Variants in STK39 observed in about 807,000 individuals in gnomAD.
STK39 encodes the protein STE20/SPS1-related proline-alanine-rich protein kinase.
Under a neutral mutation model 77.8 loss-of-function variants are expected in STK39, and 20 were observed. That is an observed-to-expected ratio of 0.26 (90% confidence interval 0.18 to 0.37). STK39 has a LOEUF of 0.37. Among genes scored for constraint, STK39 ranks in the 10% least tolerant of loss-of-function variants. The pLI is 1.00. For missense variants in STK39, 479 were observed against 656.5 expected, an observed-to-expected ratio of 0.73 and a Z score of 2.95; for synonymous variants, 246 against 234.1, an observed-to-expected ratio of 1.05 and a Z score of -0.47.
intron 10 of STK39, among the ~76,000 whole-genome samples, chr2:168,109,538 C>T (rs1306763518): frequency 6.6e-6 from 1 of 152,178 alleles, no homozygotes; most frequent in Non-Finnish European, 1.5e-5. Context: ...CATCTGCTGG[C>T]ATGGTGTGCA....
chr2:168,226,684 T>C (rs1690316182), intron 1 of STK39, among the ~76,000 whole-genome samples: 1 of 133,578 alleles, frequency 7.5e-6, no homozygotes, highest in East Asian at 2.5e-4. Context: ...CTGGGTCAAA[T>C]CGGGAATAAG....
chr2:167,960,810 A>ATCCCAGTGCT (rs1240448513), intron 17 of STK39, among the ~76,000 whole-genome samples: 2 of 152,118 alleles, frequency 1.3e-5, no homozygotes, highest in African/African-American at 4.8e-5. Context: ...CCACTCGTCT[A>ATCCCAGTGCT]TCCCAGTGCT....
chr2:168,225,056 T>A (rs1238780243), intron 1 of STK39, among the ~76,000 whole-genome samples: 1 of 152,194 alleles, frequency 6.6e-6, no homozygotes, highest in Non-Finnish European at 1.5e-5. Flanking sequence ...ATCACTGACA[T>A]ATCCAACCCT....
chr2:167,956,692 ACACACTCT>A (rs1222141366), intron 17 of STK39, among the ~76,000 whole-genome samples: 3 of 45,780 alleles, frequency 6.6e-5, no homozygotes, highest in East Asian at 3.5e-4. Context: ...ACACACACAC[ACACACTCT>A]CTCTCTCTCT....
chr2:168,179,473 T>A (rs902201639), intron 2 of STK39, among the ~76,000 whole-genome samples: 1 of 151,294 alleles, frequency 6.6e-6, no homozygotes, highest in Non-Finnish European at 1.5e-5. Flanking sequence ...TCTAAATATA[T>A]CAACACACCA....
chr2:168,073,048 T>G (rs1347546392), intron 12 of STK39, among the ~76,000 whole-genome samples: 1 of 152,190 alleles, frequency 6.6e-6, no homozygotes, highest in Non-Finnish European at 1.5e-5. Flanking sequence ...TGCTGAGAAA[T>G]CAAATGAGTC....
At chr2:168,156,456 T>C (rs577168219) in intron 5 of STK39, among the ~76,000 whole-genome samples, 70 of 152,274 alleles carry the variant, frequency 4.6e-4, no homozygotes, top group African/African-American at 2.2e-4. Context: ...TCTGGTGATA[T>C]TGAGGAAACT....
intron 5 of STK39, among the ~76,000 whole-genome samples, chr2:168,148,585 G>A (rs145225506): frequency 1.3e-3 from 195 of 152,334 alleles, no homozygotes; most frequent in Middle Eastern, 0.01. Context: ...ACCGGCAGCA[G>A]CAGCCACCCA....
intron 16 of STK39, among the ~76,000 whole-genome samples, chr2:167,989,793 G>A (rs1459863346): frequency 1.3e-5 from 2 of 151,896 alleles, no homozygotes; most frequent in Non-Finnish European, 2.9e-5. Context: ...AAAATTGCAG[G>A]AAATTCTGAA....
chr2:168,220,020 T>C (rs1559152393), intron 1 of STK39, among the ~76,000 whole-genome samples: 1 of 152,120 alleles, frequency 6.6e-6, no homozygotes, highest in Admixed American at 6.6e-5. Context: ...AGAGCCTTCC[T>C]TTGCTTGAGT....
chr2:168,247,286 C>CGCGGGG lies in STK39; in HGVS notation c.149_150insCCCCGC (p.Pro49_Ala50dup), dbSNP rs1553465651. ...AGATGGGCCAGCCGACAGCCTGTGCCGCCGGGGCCGGGGCCGGGGCCGGGG... is the reference window on the plus strand; with the variant it reads ...AGATGGGCCAGCCGACAGCCTGTGCCGCGGGGGCCGGGGCCGGGGCCGGGGCCGGGG... On this transcript the variant is annotated inframe_insertion, in exon 1 of 18. Transcript: ENST00000355999. 1.3e-5 allele frequency: 13 copies of CGCGGGG among 1,007,028 alleles called. No individual in the cohort carries two copies. Among genetic ancestry groups the CGCGGGG allele is most frequent in the Admixed American group, 5.7e-5 (1 of 17,558 alleles). The allele number at this position is 1,007,028 out of a possible 1,614,324, so 62.4% of individuals were successfully genotyped here.
chr2:168,111,644 C>T (rs913638671), intron 10 of STK39, among the ~76,000 whole-genome samples: 5 of 152,076 alleles, frequency 3.3e-5, no homozygotes, highest in African/African-American at 9.7e-5. Flanking sequence ...ATGTATACAG[C>T]GAGGGGAAAA....
Position 167,954,030 on chromosome 2 carries a change from C to T in STK39, c.*1466G>A. 6.5e-6 allele frequency: 1 copy of T among 152,746 alleles called. No homozygotes were observed. The allele number at this position is 152,746 out of a possible 1,614,324, so 9.5% of individuals were successfully genotyped here. On this transcript the variant is annotated 3_prime_UTR_variant, in exon 18 of 18. Coordinates refer to ENST00000355999, the MANE Select transcript of STK39 (RefSeq NM_013233.3). Reference sequence around the variant, plus strand: ...AACAATGCAAAACAATCTCATTGTGCAATACACTTTTATTTTCCTTTTACC... The same window carrying T: ...AACAATGCAAAACAATCTCATTGTGTAATACACTTTTATTTTCCTTTTACC...
intron 1 of STK39, among the ~76,000 whole-genome samples, chr2:168,244,633 G>T (rs1690853407): frequency 6.6e-6 from 1 of 152,212 alleles, no homozygotes; most frequent in Non-Finnish European, 1.5e-5. Flanking sequence ...CTCTCAACTA[G>T]CATTAAACCC....
intron 10 of STK39, among the ~76,000 whole-genome samples, chr2:168,092,791 A>G (rs973143719): frequency 2.6e-5 from 4 of 152,192 alleles, no homozygotes; most frequent in African/African-American, 7.2e-5. Context: ...AATCCCAATA[A>G]GAGTCCAATG....
At chr2:168,239,579 G>A (rs917658433) in intron 1 of STK39, among the ~76,000 whole-genome samples, 5 of 152,204 alleles carry the variant, frequency 3.3e-5, no homozygotes, top group East Asian at 3.9e-4. Context: ...CATTAACCAC[G>A]GGCAAGATCA....
At chr2:168,001,057 G>T (rs530699543) in intron 16 of STK39, among the ~76,000 whole-genome samples, 2 of 152,298 alleles carry the variant, frequency 1.3e-5, no homozygotes, top group South Asian at 4.2e-4. Flanking sequence ...AAGCTGTTCA[G>T]ATGGTTTCCT....
intron 17 of STK39, among the ~76,000 whole-genome samples, chr2:167,957,231 A>T (rs1691810943): frequency 6.6e-6 from 1 of 152,232 alleles, no homozygotes; most frequent in Non-Finnish European, 1.5e-5. Context: ...TAAAAATATT[A>T]ATCAGTATTT....
intron 10 of STK39, among the ~76,000 whole-genome samples, chr2:168,121,983 C>T (rs1430065324): frequency 2.6e-5 from 4 of 152,228 alleles, no homozygotes; most frequent in African/African-American, 9.6e-5. Context: ...GGTGCACCTC[C>T]ACTTCCTGCC....
Sources: allele counts gnomAD v4.1 joint callset (sites outside exome capture counted in the v4.1 genomes callset), GRCh38; gene constraint gnomAD v4.1.1; transcripts MANE v1.5; gene names NCBI Gene and HGNC (gene_info 2026-07-23, HGNC 2026-07-21).